TSHR: variants seen among roughly 807,000 people sequenced by gnomAD.
TSHR encodes the protein thyrotropin receptor.
In TSHR, 51 loss-of-function variants were observed where a neutral mutation model predicts 64.1. The ratio of observed to expected loss-of-function variants is 0.80; its 90% confidence interval spans 0.64 to 1.01. The LOEUF (loss-of-function observed/expected upper bound fraction) is 1.01, where lower values mean the gene tolerates loss of function less well. Among genes scored for constraint, TSHR ranks in the 50% least tolerant of loss-of-function variants. TSHR has a pLI of 0.00. For missense variants in TSHR, 877 were observed against 942.8 expected, an observed-to-expected ratio of 0.93 and a Z score of 0.91; for synonymous variants, 361 against 361.9, an observed-to-expected ratio of 1.00 and a Z score of 0.03.
intron 8 of TSHR, 81 bp from the exon 9 acceptor site, chr14:81,139,598 C>A (rs1481831989): frequency 2.1e-6 from 3 of 1,436,518 alleles, no homozygotes; most frequent in African/African-American, 2.8e-5. Flanking sequence ...TAACCTCAGG[C>A]CTGTTTGAGT....
chr14:81,112,894 G>C (rs1890287951), intron 8 of TSHR, among the ~76,000 whole-genome samples: 1 of 152,208 alleles, frequency 6.6e-6, no homozygotes, highest in Non-Finnish European at 1.5e-5. Context: ...ACAGAGTAAA[G>C]TAAACGGGGG....
intron 1 of TSHR, among the ~76,000 whole-genome samples, chr14:80,961,484 G>A (rs1303990778): frequency 6.6e-6 from 1 of 152,208 alleles, no homozygotes; most frequent in Non-Finnish European, 1.5e-5. Flanking sequence ...CAGGTAGAAG[G>A]TGGAGATGTG....
At chr14:81,079,095 G>A (rs1595065708) in intron 3 of TSHR, among the ~76,000 whole-genome samples, 2 of 152,290 alleles carry the variant, frequency 1.3e-5, no homozygotes, top group Middle Eastern at 3.4e-3. Flanking sequence ...GGTTCTCTGT[G>A]AGTTATTCAG....
At chr14:81,008,598 A>G (rs1256575812) in intron 1 of TSHR, among the ~76,000 whole-genome samples, 2 of 152,202 alleles carry the variant, frequency 1.3e-5, no homozygotes, top group African/African-American at 2.4e-5. Flanking sequence ...ACCAATATAA[A>G]TATGTAAAAT....
intron 1 of TSHR, among the ~76,000 whole-genome samples, chr14:81,022,187 G>A (rs566072112): frequency 3.4e-4 from 51 of 151,738 alleles, no homozygotes; most frequent in Non-Finnish European, 5.6e-4. Context: ...AGAGAATGGC[G>A]TGAACACGAG....
chr14:81,026,979 T>G (rs1278961976), intron 1 of TSHR, among the ~76,000 whole-genome samples: 1 of 146,608 alleles, frequency 6.8e-6, no homozygotes, highest in Non-Finnish European at 1.5e-5. Context: ...GAGGTTGCAG[T>G]GAGCCAAGAT....
At chr14:81,021,441 T>C (rs1385282470) in intron 1 of TSHR, among the ~76,000 whole-genome samples, 2 of 152,158 alleles carry the variant, frequency 1.3e-5, no homozygotes, top group African/African-American at 4.8e-5. Flanking sequence ...GTTTGTTCCA[T>C]ATTTGTTTTC....
intron 9 of TSHR, among the ~76,000 whole-genome samples, chr14:81,142,694 G>T (rs987655848): frequency 7.2e-6 from 1 of 139,776 alleles, no homozygotes; most frequent in African/African-American, 2.7e-5. Context: ...CTGCAGCTTT[G>T]ACCTCCCCAG....
intron 3 of TSHR, among the ~76,000 whole-genome samples, chr14:81,080,227 C>T (rs1181253662): frequency 6.6e-6 from 1 of 152,176 alleles, no homozygotes; most frequent in Non-Finnish European, 1.5e-5. Context: ...CCTGGGATTA[C>T]AGGTGTGAGC....
chr14:81,066,318 C>T (rs1886606216), intron 2 of TSHR, among the ~76,000 whole-genome samples: 1 of 152,184 alleles, frequency 6.6e-6, no homozygotes, highest in South Asian at 2.1e-4. Context: ...TGCTAGCTTG[C>T]TCAGCTTCAT....
At chr14:81,013,159 T>G (rs371742482) in intron 1 of TSHR, 90 of 152,242 alleles carry the variant, frequency 5.9e-4, no homozygotes, top group African/African-American at 1.5e-3. Flanking sequence ...TTTCTACATA[T>G]GGCTAGCCCG....
chr14:81,052,960 G>A (rs1369730660), intron 1 of TSHR: 2 of 151,972 alleles, frequency 1.3e-5, no homozygotes, highest in African/African-American at 4.8e-5. Flanking sequence ...GGGAGAGGGA[G>A]AGAGATTTGT....
At chr14:81,015,692 A>G (rs1441512202) in intron 1 of TSHR, among the ~76,000 whole-genome samples, 1 of 152,136 alleles carries the variant, frequency 6.6e-6, no homozygotes, top group Non-Finnish European at 1.5e-5. Context: ...TATTAACTAC[A>G]GTTACCATGT....
chr14:81,016,777 T>C lies in TSHR; in HGVS notation c.171-45371T>C, dbSNP rs553923920. On this transcript the variant is annotated intron_variant, in intron 1 of 9. Transcript: ENST00000298171. ...TTCTTCTAGTTTGAGGACTTATGTT[T>C]GGATTTTTAATCCATTTTGAGTTGA... Among the ~76,000 whole-genome samples, 6 of 152,356 alleles carry C rather than the reference T, an allele frequency of 3.9e-5. No homozygotes were observed. The South Asian group carries it at 8.3e-4, about 21-fold the overall frequency.
At chr14:81,087,794 A>T in intron 3 of TSHR, 160 bp from the exon 4 acceptor site, 1 of 698,030 alleles carries the variant, frequency 1.4e-6, no homozygotes, top group African/African-American at 1.8e-5. Flanking sequence ...GTAGTTTGTC[A>T]TTGATGGGAC....
chr14:81,120,064 G>A (rs1369126748), intron 8 of TSHR, among the ~76,000 whole-genome samples: 11 of 133,586 alleles, frequency 8.2e-5, no homozygotes, highest in Admixed American at 3.8e-4. Context: ...AGCATTGGGA[G>A]ATATACCTAA....
intron 1 of TSHR, among the ~76,000 whole-genome samples, chr14:80,974,967 T>C (rs1005968527): frequency 5.3e-5 from 8 of 152,224 alleles, no homozygotes; most frequent in Non-Finnish European, 8.8e-5. Context: ...AAATGGACAG[T>C]GGAAGTCAGG....
chr14:81,102,459 T>A (rs1417559911), intron 7 of TSHR, among the ~76,000 whole-genome samples: 3 of 152,226 alleles, frequency 2.0e-5, no homozygotes, highest in African/African-American at 7.2e-5. Context: ...AGTATTAAAG[T>A]TATTTGGAAG....
chr14:80,973,428 A>AAAAAAAAAAAAT (rs1276844641), intron 1 of TSHR, among the ~76,000 whole-genome samples: 1 of 145,138 alleles, frequency 6.9e-6, no homozygotes, highest in Non-Finnish European at 1.5e-5. Flanking sequence ...AAAAAAAAAA[A>AAAAAAAAAAAAT]ATCTGTGTAC....
Sources: allele counts gnomAD v4.1 joint callset (sites outside exome capture counted in the v4.1 genomes callset), GRCh38; gene constraint gnomAD v4.1.1; transcripts MANE v1.5; gene names NCBI Gene and HGNC (gene_info 2026-07-23, HGNC 2026-07-21).